The following CDH18 variants were observed in gnomAD, a reference collection of about 807,000 sequenced individuals.
CDH18 encodes the protein cadherin-18.
A neutral mutation model predicts 67.9 loss-of-function variants in CDH18; 31 were observed. That is an observed-to-expected ratio of 0.46 (90% CI 0.34 to 0.62). The LOEUF (loss-of-function observed/expected upper bound fraction) is 0.62. CDH18 is among the 20% of genes least tolerant of loss of function. The pLI is 0.01. For synonymous variants in CDH18, 362 were observed against 347.2 expected, an observed-to-expected ratio of 1.04 and a Z score of -0.48; for missense variants, 890 against 975.5, an observed-to-expected ratio of 0.91 and a Z score of 1.17.
intron 1 of CDH18, among the ~76,000 whole-genome samples, chr5:20,418,373 G>T (rs957083175): frequency 6.7e-6 from 1 of 150,276 alleles, no homozygotes. Flanking sequence ...GAGCCACCAC[G>T]CCCGGCCAAG....
chr5:20,114,591 G>GT (rs1395532772), intron 2 of CDH18, among the ~76,000 whole-genome samples: 1 of 152,050 alleles, frequency 6.6e-6, no homozygotes, highest in Non-Finnish European at 1.5e-5. Context: ...TGAGTCATAA[G>GT]TTTGCTAGGA....
intron 2 of CDH18, among the ~76,000 whole-genome samples, chr5:20,202,804 AGTCAACT>A (rs1739556356): frequency 6.6e-6 from 1 of 152,058 alleles, no homozygotes. Context: ...TTGATTCCTG[AGTCAACT>A]GCAAAACACA....
intron 2 of CDH18, among the ~76,000 whole-genome samples, chr5:20,241,905 T>TATATATACACATATATATATATAA (rs369967608): frequency 7.1e-6 from 1 of 141,452 alleles, no homozygotes; most frequent in African/African-American, 2.8e-5. Flanking sequence ...TATATATATA[T>TATATATACACATATATATATATAA]ATATTGCTTA....
intron 9 of CDH18, among the ~76,000 whole-genome samples, chr5:19,533,445 T>C (rs1263629619): frequency 6.6e-6 from 1 of 152,138 alleles, no homozygotes; most frequent in Admixed American, 6.5e-5. Context: ...GTAAATTATT[T>C]CAAGGAGCTT....
intron 1 of CDH18, among the ~76,000 whole-genome samples, chr5:20,311,681 A>G (rs143912742): frequency 2.3e-4 from 35 of 152,194 alleles, no homozygotes; most frequent in African/African-American, 8.2e-4. Flanking sequence ...CATTAGGAGA[A>G]ATTCCTAATG....
intron 1 of CDH18, among the ~76,000 whole-genome samples, chr5:20,333,552 T>G (rs370930059): frequency 9.8e-6 from 1 of 101,530 alleles, no homozygotes; most frequent in East Asian, 2.1e-4. Context: ...CACACACACA[T>G]ATATGTATAT....
At chr5:20,373,444 A>C (rs1295809873) in intron 1 of CDH18, among the ~76,000 whole-genome samples, 2 of 152,092 alleles carry the variant, frequency 1.3e-5, no homozygotes, top group African/African-American at 4.8e-5. Flanking sequence ...CAATCTTTGG[A>C]TGACTTATAC....
intron 5 of CDH18, among the ~76,000 whole-genome samples, chr5:19,696,444 G>A (rs1187202691): frequency 6.6e-6 from 1 of 151,886 alleles, no homozygotes; most frequent in African/African-American, 2.4e-5. Context: ...GCTGAGGCAG[G>A]AGAATGGCGT....
chr5:20,185,631 T>C (rs1738037738), intron 2 of CDH18, among the ~76,000 whole-genome samples: 1 of 152,080 alleles, frequency 6.6e-6, no homozygotes, highest in Non-Finnish European at 1.5e-5. Flanking sequence ...GTAGATATCT[T>C]CAGAGCTCAC....
At chr5:20,230,706 C>A (rs1277877477) in intron 2 of CDH18, among the ~76,000 whole-genome samples, 7 of 151,978 alleles carry the variant, frequency 4.6e-5, no homozygotes, top group Admixed American at 3.9e-4. Context: ...TCTACCTCAC[C>A]CTTCAAGTTT....
intron 2 of CDH18, among the ~76,000 whole-genome samples, chr5:20,253,789 G>A (rs1032097624): frequency 2.0e-5 from 3 of 152,190 alleles, no homozygotes; most frequent in Non-Finnish European, 2.9e-5. Context: ...ATTCCTGAGA[G>A]TGAAGGGGAG....
intron 1 of CDH18, among the ~76,000 whole-genome samples, chr5:20,385,678 A>C (rs1744259185): frequency 6.6e-6 from 1 of 152,200 alleles, no homozygotes; most frequent in Non-Finnish European, 1.5e-5. Context: ...ATTTTAGATA[A>C]GTGGAGAAAA....
At chr5:20,356,164 C>A (rs756873393) in intron 1 of CDH18, among the ~76,000 whole-genome samples, 16 of 152,136 alleles carry the variant, frequency 1.1e-4, no homozygotes, top group Non-Finnish European at 2.4e-4. Flanking sequence ...GGGCGGATCA[C>A]CTGAGGTCAG....
chr5:20,542,966 A>G (rs772975029), intron 1 of CDH18, among the ~76,000 whole-genome samples: 5 of 152,060 alleles, frequency 3.3e-5, no homozygotes, highest in Non-Finnish European at 5.9e-5. Flanking sequence ...CTCTTTTGGT[A>G]AATAGTTAAT....
intron 8 of CDH18, among the ~76,000 whole-genome samples, 164 bp from the exon 9 acceptor site, chr5:19,544,169 A>T (rs1282581732): frequency 6.6e-6 from 1 of 152,154 alleles, no homozygotes; most frequent in East Asian, 1.9e-4. Context: ...TATATCAATT[A>T]TTCTTATCCA....
intron 3 of CDH18, among the ~76,000 whole-genome samples, chr5:19,826,588 A>G (rs1247893193): frequency 1.3e-5 from 2 of 152,188 alleles, no homozygotes; most frequent in Admixed American, 1.3e-4. Flanking sequence ...ATTCTTAAAG[A>G]AAAGAAAAGA....
At chr5:20,254,729 A>G (rs551914251) in intron 2 of CDH18, among the ~76,000 whole-genome samples, 12 of 152,296 alleles carry the variant, frequency 7.9e-5, no homozygotes, top group Admixed American at 5.2e-4. Context: ...CGAACTTAAA[A>G]CAGCTACCAT....
rs145837556 is a variant in CDH18 at position 19,658,820 on chromosome 5, A to G, written c.644-46219T>C. On this transcript the variant is annotated intron_variant, in intron 5 of 12. Coordinates refer to ENST00000382275, the MANE Select transcript of CDH18 (RefSeq NM_004934.5). The stretch of plus-strand genomic sequence containing the variant: ...CTCCCCACTTCGCCCACCCCACAAC[A>G]GGCCCTGGTGTGTGATGTTCTCCTT... 4.1e-3 allele frequency among the ~76,000 whole-genome samples: 631 copies of G among 152,064 alleles called. 2 individuals are homozygous for G. The highest frequency in any genetic ancestry group is 0.017 in the Middle Eastern group (5 of 294).
rs577007909 is a variant in CDH18 at position 20,267,130 on chromosome 5, G to A, written c.-579-11625C>T. 5.9e-5 allele frequency among the ~76,000 whole-genome samples: 9 copies of A among 152,294 alleles called. No individual in the cohort carries two copies. In the South Asian group the frequency reaches 1.9e-3, roughly 32 times the overall value. On this transcript the variant is annotated intron_variant, in intron 1 of 14. Coordinates refer to the CDH18 transcript ENST00000507958. ...AGAAAATGTGCAGAATTTATATATA[G>A]TGTGAAATAGGGGTTCAGTTTCATA...
Sources: gnomAD v4.1 joint callset for allele counts (sites outside exome capture counted in the v4.1 genomes callset) on GRCh38, gnomAD v4.1.1 for gene constraint, MANE v1.5 for transcripts, NCBI Gene and HGNC (gene_info 2026-07-23, HGNC 2026-07-21) for gene names.